Variants in IFT74 observed in about 807,000 individuals in gnomAD.
IFT74 encodes the protein intraflagellar transport protein 74 homolog.
Under a neutral mutation model 96.7 loss-of-function variants are expected in IFT74, and 92 were observed. That is an observed-to-expected ratio of 0.95 (90% CI 0.80 to 1.13). The LOEUF (loss-of-function observed/expected upper bound fraction) is 1.13. IFT74 is among the 50% of genes most tolerant of loss of function. IFT74 has a pLI of 0.00. For synonymous variants in IFT74, 223 were observed against 213.2 expected, an observed-to-expected ratio of 1.05 and a Z score of -0.40; for missense variants, 811 against 698.2, an observed-to-expected ratio of 1.16 and a Z score of -1.82.
intron 10 of IFT74, among the ~76,000 whole-genome samples, chr9:27,012,325 C>T (rs1563973947): frequency 1.3e-5 from 2 of 152,170 alleles, no homozygotes; most frequent in African/African-American, 4.8e-5. Flanking sequence ...TGGGCTCAAG[C>T]GATCCTCCCT....
intron 12 of IFT74, among the ~76,000 whole-genome samples, chr9:27,021,616 T>C (rs970369704): frequency 6.6e-6 from 1 of 152,212 alleles, no homozygotes; most frequent in Non-Finnish European, 1.5e-5. Context: ...TGTTGACCAT[T>C]TGTATATCTT....
chr9:27,053,310 G>A (rs1188013479), intron 16 of IFT74, among the ~76,000 whole-genome samples: 1 of 151,956 alleles, frequency 6.6e-6, no homozygotes, highest in Non-Finnish European at 1.5e-5. Flanking sequence ...TCAGGGGAGG[G>A]AGGTGATTGG....
intron 1 of IFT74, among the ~76,000 whole-genome samples, chr9:26,948,445 ATTATTTTTTTTTT>A (rs1825818408): frequency 3.6e-4 from 17 of 47,314 alleles, no homozygotes; most frequent in African/African-American, 8.3e-4. Context: ...ATGGCTTTCC[ATTATTTTTTTTTT>A]TTTTTTTTTT....
At chr9:26,947,270 C>T in intron 1 of IFT74, 1 of 542,792 alleles carries the variant, frequency 1.8e-6, no homozygotes, top group Non-Finnish European at 3.2e-6. Flanking sequence ...TCATCATCGG[C>T]CTCAGCCCTC....
intron 2 of IFT74, among the ~76,000 whole-genome samples, chr9:26,972,055 T>C (rs1440743138): frequency 6.6e-6 from 1 of 152,226 alleles, no homozygotes; most frequent in Non-Finnish European, 1.5e-5. Context: ...CACCCTGTCT[T>C]GAAGGGAGTT....
chr9:27,051,439 A>G (rs913639520), intron 16 of IFT74, among the ~76,000 whole-genome samples: 1 of 152,228 alleles, frequency 6.6e-6, no homozygotes, highest in African/African-American at 2.4e-5. Flanking sequence ...AAAAAAACAC[A>G]TAACAAAATT....
intron 17 of IFT74, among the ~76,000 whole-genome samples, chr9:27,056,104 C>G (rs1233151460): frequency 6.6e-6 from 1 of 151,972 alleles, no homozygotes; most frequent in African/African-American, 2.4e-5. Context: ...TTAATTTAGA[C>G]TTAATTTGGT....
In IFT74 at chr9:27,009,043, T is replaced by A; in HGVS notation, c.611T>A (p.Val204Asp). ...RQAKEKQIRS[V>D]EEEIEQEKQA... is the part of the protein sequence containing the mutation. ...AGGAAAGAAAAACAAATCAGAAGTG[T>A]CGAAGAAGAAATTGAACAGGAAAAA... The change falls in exon 9 of 20, where the codon GTC becomes GAC. Residue 204 changes from valine to aspartate, a missense_variant. Transcript: ENST00000380062. 1 of 1,612,962 alleles carries A rather than the reference T, an allele frequency of 6.2e-7. No homozygotes were observed. Among genetic ancestry groups the A allele is most frequent in the Non-Finnish European group, 8.5e-7 (1 of 1,179,358 alleles).
At chr9:27,027,566 A>G (rs1829924174) in intron 12 of IFT74, among the ~76,000 whole-genome samples, 1 of 152,114 alleles carries the variant, frequency 6.6e-6, no homozygotes, top group Non-Finnish European at 1.5e-5. Flanking sequence ...TTTGATGGCT[A>G]ATGATGTTGA....
chr9:27,046,363 A>G (rs917687045), intron 14 of IFT74, among the ~76,000 whole-genome samples: 2 of 152,228 alleles, frequency 1.3e-5, no homozygotes, highest in African/African-American at 4.8e-5. Context: ...AGAAAAAAGT[A>G]TAATGGGAAT....
In IFT74 at chr9:27,044,434, GA is replaced by G. The variant is rs542368603; in HGVS notation, c.1055-306del. ...TCTTGCTGGTGATCTTTCAAAGATG[GA>G]ATGGACTTTCTTGGGAACTTATGTT... On this transcript the variant is annotated intron_variant, in intron 13 of 19. Coordinates refer to ENST00000380062, the MANE Select transcript of IFT74 (RefSeq NM_025103.4). Among the ~76,000 whole-genome samples the G allele has an allele frequency of 2.6e-5, 4 of 152,280 alleles. No individual in the cohort carries two copies. The South Asian group carries it at 8.3e-4, about 32-fold the overall frequency.
At chr9:26,990,062 C>T in intron 7 of IFT74, 72 bp from the exon 8 acceptor site, 1 of 833,464 alleles carries the variant, frequency 1.2e-6, no homozygotes, top group Non-Finnish European at 1.8e-6. Context: ...AGTTCCTAGC[C>T]AAAATAACCT....
intron 2 of IFT74, among the ~76,000 whole-genome samples, chr9:26,973,639 G>T (rs1317281315): frequency 2.0e-5 from 3 of 152,114 alleles, no homozygotes; most frequent in Admixed American, 2.0e-4. Flanking sequence ...TCCCACCTCA[G>T]GGATCAACAA....
chr9:26,959,521 A>C (rs1174308347), intron 1 of IFT74, among the ~76,000 whole-genome samples: 1 of 152,220 alleles, frequency 6.6e-6, no homozygotes, highest in African/African-American at 2.4e-5. Flanking sequence ...GAAAGAATTG[A>C]ACATGGTAAC....
chr9:26,966,633 T>G (rs1185575428), intron 2 of IFT74, among the ~76,000 whole-genome samples: 3 of 152,126 alleles, frequency 2.0e-5, no homozygotes, highest in Non-Finnish European at 4.4e-5. Context: ...GGTTGTCCCT[T>G]CACTTTGTTG....
chr9:27,043,285 T>G (rs1260104338), intron 13 of IFT74, among the ~76,000 whole-genome samples: 1 of 152,224 alleles, frequency 6.6e-6, no homozygotes, highest in Non-Finnish European at 1.5e-5. Context: ...GCATCAGGGT[T>G]GTCGTCAATG....
intron 8 of IFT74, among the ~76,000 whole-genome samples, chr9:26,992,462 G>C (rs1827928584): frequency 2.6e-5 from 4 of 152,158 alleles, no homozygotes. Context: ...GGAGGCTGAA[G>C]TGGGTGGATC....
chr9:27,060,634 A>G lies in IFT74; in HGVS notation c.1667A>G (p.Asn556Ser). 1 of 1,600,790 alleles carries G rather than the reference A, an allele frequency of 6.2e-7. No individual in the cohort carries two copies. The highest frequency in any genetic ancestry group is 8.5e-7 in the Non-Finnish European group (1 of 1,171,818). Residue 556 changes from asparagine to serine, a missense_variant, in exon 19 of 20, where the codon AAT becomes AGT. Asn to Ser is a conservative substitution (Grantham distance 46). Coordinates refer to ENST00000380062, the MANE Select transcript of IFT74 (RefSeq NM_025103.4). The part of the protein sequence containing the change: ...ERKWQHLEQN[N>S]FAMKEFIATK... ...AAGTGGCAACACCTTGAGCAAAATA[A>G]TTTTGCGATGAAAGAATGTATCCTT...
chr9:27,017,131 T>C, intron 11 of IFT74, 81 bp downstream of exon 11: 3 of 1,131,066 alleles, frequency 2.7e-6, no homozygotes, highest in Non-Finnish European at 3.7e-6. Flanking sequence ...GGGATATTAA[T>C]GCAAGTAGTA....
Sources: gnomAD v4.1 joint callset for allele counts (sites outside exome capture counted in the v4.1 genomes callset) on GRCh38, gnomAD v4.1.1 for gene constraint, MANE v1.5 for transcripts, NCBI Gene and HGNC (gene_info 2026-07-23, HGNC 2026-07-21) for gene names.